The following MPPED1 variants were observed in gnomAD, a reference collection of about 807,000 sequenced individuals.
MPPED1 encodes the protein metallophosphoesterase domain-containing protein 1.
Under a neutral mutation model 36.2 loss-of-function variants are expected in MPPED1, and 16 were observed. The observed-to-expected ratio is 0.44, with a 90% CI of 0.30 to 0.67. The LOEUF is 0.67. Among genes scored for constraint, MPPED1 ranks in the 30% least tolerant of loss-of-function variants. MPPED1 has a pLI of 0.10. For synonymous variants in MPPED1, 199 were observed against 191.3 expected (o/e 1.04, Z -0.33); for missense variants, 307 against 453.4 (o/e 0.68, Z 2.93).
At chr22:43,440,427 G>A (rs1192782998) in intron 3 of MPPED1, among the ~76,000 whole-genome samples, 2 of 152,120 alleles carry the variant, frequency 1.3e-5, no homozygotes, top group Non-Finnish European at 2.9e-5. Context: ...GAGGGCAGGA[G>A]GGGAGGCTGA....
intron 4 of MPPED1, among the ~76,000 whole-genome samples, chr22:43,488,450 G>A (rs953031447): frequency 6.6e-6 from 1 of 152,196 alleles, no homozygotes; most frequent in Non-Finnish European, 1.5e-5. Context: ...TTGCGGCTGA[G>A]GAACCTGGAA....
intron 3 of MPPED1, among the ~76,000 whole-genome samples, chr22:43,436,010 G>A (rs1448781292): frequency 6.6e-6 from 1 of 152,212 alleles, no homozygotes; most frequent in Non-Finnish European, 1.5e-5. Context: ...GGGGCCAGAT[G>A]TGAGCAGCTG....
intron 3 of MPPED1, among the ~76,000 whole-genome samples, chr22:43,447,647 T>TCTCTCCTTTATCCTCACGACTGGC (rs1249483220): frequency 6.6e-6 from 1 of 151,156 alleles, no homozygotes; most frequent in Non-Finnish European, 1.5e-5. Context: ...CCCCTCCTGG[T>TCTCTCCTTTATCCTCACGACTGGC]CTCTCCTTTA....
intron 6 of MPPED1, among the ~76,000 whole-genome samples, chr22:43,503,284 G>A (rs1044497071): frequency 7.9e-5 from 12 of 152,310 alleles, no homozygotes; most frequent in Middle Eastern, 3.4e-3. Context: ...GCGTGCAGGC[G>A]TTCCCTAGTA....
At chr22:43,422,065 C>T (rs1023051749) in intron 1 of MPPED1, among the ~76,000 whole-genome samples, 13 of 152,268 alleles carry the variant, frequency 8.5e-5, no homozygotes, top group African/African-American at 2.6e-4. Context: ...AGGGGACATC[C>T]GGGCTCTTCC....
intron 3 of MPPED1, among the ~76,000 whole-genome samples, chr22:43,468,632 T>G (rs918029631): frequency 9.2e-5 from 14 of 152,166 alleles, no homozygotes; most frequent in Non-Finnish European, 1.3e-4. Flanking sequence ...TCCTGTCCAA[T>G]CAGCAGCATG....
intron 3 of MPPED1, among the ~76,000 whole-genome samples, chr22:43,439,694 A>T (rs1036331516): frequency 1.8e-4 from 27 of 152,198 alleles, no homozygotes; most frequent in African/African-American, 6.0e-4. Flanking sequence ...GCACCACAGG[A>T]TCCCTGTCAT....
rs546781934 is a variant in MPPED1 at position 43,434,941 on chromosome 22, G to T, written c.225-93G>T. On this transcript the variant is annotated intron_variant, in intron 2 of 6. Transcript: ENST00000443721. The stretch of plus-strand genomic sequence containing the variant: ...GGTGGATCTGAGCGGGATTGATGGG[G>T]CTGTGAGCTGTGGTGGATGGGGCTG... 1.6e-5 allele frequency: 22 copies of T among 1,341,782 alleles called. No homozygotes were observed. The East Asian group carries it at 4.8e-4, about 30-fold the overall frequency. 83.1% of individuals were successfully genotyped at this position (1,341,782 alleles called of 1,614,324 possible).
chr22:43,468,029 C>T (rs962680442), intron 3 of MPPED1, among the ~76,000 whole-genome samples: 7 of 152,298 alleles, frequency 4.6e-5, no homozygotes, highest in African/African-American at 1.4e-4. Flanking sequence ...CTGCCCCGTG[C>T]GGCAGCTGCA....
intron 5 of MPPED1, among the ~76,000 whole-genome samples, chr22:43,498,930 A>G (rs926884703): frequency 2.7e-4 from 41 of 151,844 alleles, no homozygotes; most frequent in Non-Finnish European, 5.4e-4. Flanking sequence ...CCATCACCAC[A>G]TCCCTCCCAT....
At position 43,502,706 on chromosome 22, in the gene MPPED1, G is replaced by T. The variant is rs780930365; in HGVS notation, c.811G>T (p.Val271Leu). 1.9e-6 allele frequency: 3 copies of T among 1,613,214 alleles called. No homozygotes were observed. The highest frequency in any genetic ancestry group is 2.7e-5 in the African/African-American group (2 of 74,938). Reference sequence around the variant, plus strand: ...GGGCTGTGTGGAGCTGCTCAACACGGTGCAGAGGCGCGTCCAGCCGCGGTT... The same window carrying T: ...GGGCTGTGTGGAGCTGCTCAACACGTTGCAGAGGCGCGTCCAGCCGCGGTT... ...RVGCVELLNT[V>L]QRRVQPRLHV... Residue 271 changes from valine to leucine, a missense_variant, in exon 6 of 7, where the codon GTG (valine) becomes TTG (leucine). By Grantham distance (32) the Val-to-Leu change is conservative. This residue lies in a region of MPPED1 where 132 missense variants were observed against 212.3 expected (regional missense o/e 0.62). Transcript: ENST00000443721. This position sits in a 1 kb window ranked among gnomAD's most constrained non-coding sequence, Gnocchi z 5.5.
chr22:43,434,359 C>T (rs1001460912), intron 2 of MPPED1, among the ~76,000 whole-genome samples: 2 of 152,146 alleles, frequency 1.3e-5, no homozygotes, highest in African/African-American at 4.8e-5. Context: ...CTTTATTTCA[C>T]ACATTCTCCT....
intron 1 of MPPED1, among the ~76,000 whole-genome samples, chr22:43,414,264 C>G (rs748571281): frequency 6.6e-6 from 1 of 152,154 alleles, no homozygotes; most frequent in African/African-American, 2.4e-5. Flanking sequence ...ATTTGTTCTT[C>G]TTTGAACTTT....
chr22:43,443,424 C>T lies in MPPED1; in HGVS notation c.406+8209C>T, dbSNP rs5996334. Among the ~76,000 whole-genome samples the T allele has an allele frequency of 3.0e-3, 455 of 152,132 alleles. 1 individual carries two copies. The highest frequency in any genetic ancestry group is 5.2e-3 in the Admixed American group (80 of 15,290). On this transcript the variant is annotated intron_variant, in intron 3 of 6. Coordinates refer to ENST00000443721, the MANE Select transcript of MPPED1 (RefSeq NM_001044370.2). The stretch of plus-strand genomic sequence containing the variant: ...CAGGAGAGGCTGGTGCAGGTGTCTG[C>T]GAGAGGCCAGGGTAGCTCAGGCTGG...
At chr22:43,495,477 A>AGAT (rs1471427421) in intron 4 of MPPED1, among the ~76,000 whole-genome samples, 1 of 15,362 alleles carries the variant, frequency 6.5e-5, no homozygotes, top group Non-Finnish European at 1.0e-4. Context: ...GTGATGGTGG[A>AGAT]GGTGGTGGTG....
At chr22:43,422,573 G>A (rs1291348082) in intron 1 of MPPED1, among the ~76,000 whole-genome samples, 1 of 152,144 alleles carries the variant, frequency 6.6e-6, no homozygotes, top group African/African-American at 2.4e-5. Flanking sequence ...AAATATTTGA[G>A]TTCTCCAGGG....
Position 43,425,214 on chromosome 22 carries a change from G to A in MPPED1, c.224+5G>A, listed in dbSNP as rs1267421899. The stretch of plus-strand genomic sequence containing the variant: ...CCAGCCACCGCATGTGCAGATGTAA[G>A]TGGGACCGGTGGGGTGGGGGTGGGG... On this transcript the variant is annotated splice_donor_5th_base_variant and intron_variant, in intron 2 of 6. Transcript: ENST00000443721. 6.3e-7 allele frequency: 1 copy of A among 1,587,294 alleles called. No homozygotes were observed. Among genetic ancestry groups the A allele is most frequent in the Non-Finnish European group, 8.6e-7 (1 of 1,160,372 alleles).
intron 3 of MPPED1, among the ~76,000 whole-genome samples, chr22:43,469,485 C>T (rs5759354): frequency 6.0e-3 from 26 of 4,302 alleles, no homozygotes; most frequent in African/African-American, 0.013. Context: ...AACTGCAGGG[C>T]GATGGGAACA....
intron 2 of MPPED1, among the ~76,000 whole-genome samples, chr22:43,427,971 A>T (rs886616233): frequency 3.9e-5 from 6 of 152,096 alleles, no homozygotes; most frequent in African/African-American, 1.2e-4. Context: ...AATGCTGGGG[A>T]TGAAATAGTT....
Sources: gnomAD v4.1 joint callset for allele counts (sites outside exome capture counted in the v4.1 genomes callset) on GRCh38, gnomAD v4.1.1 for gene constraint, gnomAD v4.1.1 regional missense constraint, Gnocchi (gnomAD v3.1) non-coding constraint, MANE v1.5 for transcripts, NCBI Gene and HGNC (gene_info 2026-07-23, HGNC 2026-07-21) for gene names.